Variants in STAT5B observed in about 807,000 individuals in gnomAD.
The protein encoded by STAT5B is signal transducer and activator of transcription 5B.
In STAT5B, 21 loss-of-function variants were observed where a neutral mutation model predicts 107.8. The ratio of observed to expected loss-of-function variants is 0.19; its 90% CI spans 0.14 to 0.28. The LOEUF (loss-of-function observed/expected upper bound fraction) is 0.28. Among genes scored for constraint, STAT5B ranks in the 10% least tolerant of loss-of-function variants. The pLI is 1.00. For synonymous variants in STAT5B, 325 were observed against 401.7 expected (o/e 0.81, Z 2.28); for missense variants, 565 against 1,008.2 (o/e 0.56, Z 5.95).
intron 1 of STAT5B, among the ~76,000 whole-genome samples, chr17:42,268,974 T>C (rs778282191): frequency 1.6e-4 from 24 of 152,216 alleles, no homozygotes; most frequent in Non-Finnish European, 3.4e-4. Context: ...TACAATGACA[T>C]GTATGAATGT....
upstream of STAT5B, among the ~76,000 whole-genome samples, chr17:42,277,314 AG>A (rs905385404): frequency 1.3e-5 from 2 of 152,126 alleles, no homozygotes; most frequent in African/African-American, 2.4e-5. Flanking sequence ...GCCAAGCTGC[AG>A]GGGCCAAAAG....
At position 42,208,893 on chromosome 17, in the gene STAT5B, G is replaced by A. The variant is rs2080106846; in HGVS notation, c.1907-1165C>T. ...ACTACAGGTGCCCACAACTACACCCGGCTAATTTTTTTGTGTTTTTAGTAG... is the reference window on the plus strand; with the variant it reads ...ACTACAGGTGCCCACAACTACACCCAGCTAATTTTTTTGTGTTTTTAGTAG... On this transcript the variant is annotated intron_variant, in intron 15 of 18. Transcript: ENST00000293328. Among the ~76,000 whole-genome samples, 3 of 151,752 alleles carry A rather than the reference G, an allele frequency of 2.0e-5. 1 individual carries two copies. Among genetic ancestry groups the A allele is most frequent in the South Asian group, 4.2e-4 (2 of 4,812 alleles).
At chr17:42,243,994 A>G (rs936281294) in intron 1 of STAT5B, among the ~76,000 whole-genome samples, 4 of 151,666 alleles carry the variant, frequency 2.6e-5, no homozygotes, top group African/African-American at 7.3e-5. Context: ...CTGTAGCCCA[A>G]AATTAATGAC....
At chr17:42,203,185 C>A (rs1294648368) in intron 16 of STAT5B, among the ~76,000 whole-genome samples, 1 of 152,102 alleles carries the variant, frequency 6.6e-6, no homozygotes, top group Non-Finnish European at 1.5e-5. Flanking sequence ...AAGTTATCTG[C>A]CCACCTTGGC....
intron 1 of STAT5B, among the ~76,000 whole-genome samples, chr17:42,251,165 G>A (rs1479731703): frequency 1.3e-5 from 2 of 152,086 alleles, no homozygotes; most frequent in African/African-American, 2.4e-5. Flanking sequence ...CCATATTTGG[G>A]GGGTGGGGGT....
At chr17:42,225,179 C>T (rs1300143450) in intron 3 of STAT5B, among the ~76,000 whole-genome samples, 1 of 152,062 alleles carries the variant, frequency 6.6e-6, no homozygotes, top group Non-Finnish European at 1.5e-5. Context: ...CTTAGCCCCC[C>T]GAGTAGCTGG....
intron 4 of STAT5B, among the ~76,000 whole-genome samples, chr17:42,224,569 T>C (rs985357134): frequency 6.6e-6 from 1 of 152,070 alleles, no homozygotes; most frequent in African/African-American, 2.4e-5. Flanking sequence ...CTCGAACTCC[T>C]GGGCTCAGGC....
At chr17:42,205,882 G>T (rs907335525) in intron 16 of STAT5B, among the ~76,000 whole-genome samples, 1 of 152,016 alleles carries the variant, frequency 6.6e-6, no homozygotes, top group Non-Finnish European at 1.5e-5. Context: ...GGGCAACAAA[G>T]TGAGACCCCA....
At chr17:42,227,039 G>A (rs2080278971) in intron 3 of STAT5B, among the ~76,000 whole-genome samples, 1 of 150,658 alleles carries the variant, frequency 6.6e-6, no homozygotes, top group Non-Finnish European at 1.5e-5. Context: ...AGAGGCTGAG[G>A]CAGAAGAATC....
chr17:42,252,583 G>A (rs1421849841), intron 1 of STAT5B, among the ~76,000 whole-genome samples: 1 of 152,136 alleles, frequency 6.6e-6, no homozygotes, highest in African/African-American at 2.4e-5. Flanking sequence ...GGAAATGGAT[G>A]GTAGGTCAGT....
In STAT5B at chr17:42,275,064, C is replaced by T. The variant is rs114666993; in HGVS notation, c.-11+1184G>A. 3.4e-3 allele frequency: 516 copies of T among 152,340 alleles called. 3 individuals carry two copies. The highest frequency in any genetic ancestry group is 0.012 in the African/African-American group (498 of 41,556). 9.4% of individuals were successfully genotyped at this position (152,340 alleles called of 1,614,324 possible). A position where few individuals can be genotyped will look rare whatever the true frequency, so the allele number is the denominator to read the frequency against. ...GCAAAGATCTGTATACTGCACGATG[C>T]TTTGGGAAGAGCACGAATCTCAGAG... On this transcript the variant is annotated intron_variant, in intron 1 of 18. Transcript: ENST00000293328.
intron 15 of STAT5B, among the ~76,000 whole-genome samples, chr17:42,209,710 A>G (rs913369328): frequency 2.6e-5 from 4 of 152,348 alleles, no homozygotes; most frequent in African/African-American, 7.2e-5. Flanking sequence ...CCTGTTTCAA[A>G]AAAAGAAAAG....
intron 2 of STAT5B, among the ~76,000 whole-genome samples, chr17:42,231,694 G>A (rs1280197056): frequency 6.6e-6 from 1 of 152,084 alleles, no homozygotes. Context: ...ATGGGCACTC[G>A]AAACATATTT....
rs57573850 is a variant in STAT5B at position 42,201,524 on chromosome 17, GCA to G, written c.*212_*213del. 0.19 allele frequency: 82,195 copies of G among 435,538 alleles called. 1,507 individuals carry two copies. Among genetic ancestry groups the G allele is most frequent in the African/African-American group, 0.28 (14,404 of 51,728 alleles). The allele number at this position is 435,538 out of a possible 1,614,324, so 27.0% of individuals were successfully genotyped here. A position where few individuals can be genotyped will look rare whatever the true frequency, so the allele number is the denominator to read the frequency against. On this transcript the variant is annotated 3_prime_UTR_variant, in exon 19 of 19. Transcript: ENST00000293328. ...GAGAAACACCATAACGTGCAAACAC[GCA>G]CACACACACACACACACACACACAC...
intron 2 of STAT5B, among the ~76,000 whole-genome samples, chr17:42,228,724 G>T (rs1250701360): frequency 6.6e-6 from 1 of 152,186 alleles, no homozygotes; most frequent in Non-Finnish European, 1.5e-5. Context: ...CTGAGCTCAG[G>T]AGTTGGAGAT....
At chr17:42,244,710 G>C (rs910441942) in intron 1 of STAT5B, among the ~76,000 whole-genome samples, 18 of 151,960 alleles carry the variant, frequency 1.2e-4, no homozygotes, top group Non-Finnish European at 2.4e-4. Flanking sequence ...TCTTTGACAA[G>C]TGCCTTGATT....
At chr17:42,264,511 T>G (rs1598339969) in intron 1 of STAT5B, among the ~76,000 whole-genome samples, 1 of 151,842 alleles carries the variant, frequency 6.6e-6, no homozygotes, top group African/African-American at 2.4e-5. Context: ...TCCAATTTCA[T>G]CCATGTCCCT....
Position 42,215,077 on chromosome 17 carries a change from T to C in STAT5B, c.1473+937A>G, listed in dbSNP as rs8075023. 8.2e-3 allele frequency among the ~76,000 whole-genome samples: 1,248 copies of C among 152,314 alleles called. 18 individuals carry two copies. Among genetic ancestry groups the C allele is most frequent in the African/African-American group, 0.029 (1,188 of 41,560 alleles). ...TCTTTAAAATGCTCATCGAGCAGCATGCTAGTGGGATTCAGATAGCGTTTG... is the reference window on the plus strand; with the variant it reads ...TCTTTAAAATGCTCATCGAGCAGCACGCTAGTGGGATTCAGATAGCGTTTG... On this transcript the variant is annotated intron_variant, in intron 12 of 18. Coordinates refer to ENST00000293328, the MANE Select transcript of STAT5B (RefSeq NM_012448.4).
chr17:42,284,118 C>T, the STAT5B span, among the ~76,000 whole-genome samples: 1 of 152,098 alleles, frequency 6.6e-6, no homozygotes, highest in Non-Finnish European at 1.5e-5. Context: ...GAAACAAAGG[C>T]ATCTCTGTAC....
Sources: gnomAD v4.1 joint callset for allele counts (sites outside exome capture counted in the v4.1 genomes callset) on GRCh38, gnomAD v4.1.1 for gene constraint, MANE v1.5 for transcripts, NCBI Gene and HGNC (gene_info 2026-07-23, HGNC 2026-07-21) for gene names.